EEF1E1: variants seen among roughly 807,000 people sequenced by gnomAD.
EEF1E1 encodes the protein eukaryotic translation elongation factor 1 epsilon-1.
In EEF1E1, 19 loss-of-function variants were observed where a neutral mutation model predicts 19.9. That is an observed-to-expected ratio of 0.95 (90% CI 0.66 to 1.40). The LOEUF (loss-of-function observed/expected upper bound fraction) is 1.40. Ranked by LOEUF, EEF1E1 falls within the 40% of genes most tolerant of loss-of-function variation. The probability of loss-of-function intolerance (pLI) is 0.00; values close to 1 mark genes in which losing one functional copy is unlikely to be tolerated. For missense variants in EEF1E1, 198 were observed against 202.2 expected (o/e 0.98, Z 0.13); for synonymous variants, 81 against 80.0 (o/e 1.01, Z -0.07).
intron 2 of EEF1E1, among the ~76,000 whole-genome samples, chr6:8,093,784 A>AT (rs1391962386): frequency 2.0e-5 from 3 of 151,944 alleles, no homozygotes; most frequent in Non-Finnish European, 2.9e-5. Flanking sequence ...TAATAATTGT[A>AT]TTAAAAAAAA....
chr6:8,077,788 C>A (rs1757633897), downstream of EEF1E1, among the ~76,000 whole-genome samples: 1 of 152,130 alleles, frequency 6.6e-6, no homozygotes, highest in Admixed American at 6.5e-5. Flanking sequence ...TGGAGTAGCA[C>A]TTTTATTTAT....
intron 1 of EEF1E1, chr6:8,101,812 T>A (rs1262952271): frequency 7.8e-7 from 1 of 1,289,290 alleles, no homozygotes; most frequent in East Asian, 5.5e-5. Flanking sequence ...CTTAAACTGA[T>A]AATCCAAGGC....
intron 1 of EEF1E1, chr6:8,101,900 G>A (rs542639888): frequency 8.1e-7 from 1 of 1,241,680 alleles, no homozygotes. Flanking sequence ...ATGGTGCAAC[G>A]TGGCACTCTT....
intron 2 of EEF1E1, among the ~76,000 whole-genome samples, chr6:8,091,700 A>G (rs1261364494): frequency 6.6e-6 from 1 of 152,248 alleles, no homozygotes; most frequent in East Asian, 1.9e-4. Flanking sequence ...AATTAAGTGA[A>G]ACAACAGATT....
At chr6:8,078,025 C>T (rs1757638930), downstream of EEF1E1, among the ~76,000 whole-genome samples, 1 of 152,214 alleles carries the variant, frequency 6.6e-6, no homozygotes, top group Non-Finnish European at 1.5e-5. Context: ...GATCCATTTA[C>T]CTCCACATCT....
At chr6:8,099,792 A>ACACACACACAC (rs1554099745) in intron 1 of EEF1E1, among the ~76,000 whole-genome samples, 1 of 78,438 alleles carries the variant, frequency 1.3e-5, no homozygotes, top group Non-Finnish European at 2.7e-5. Context: ...ACACACACAC[A>ACACACACACAC]AAAAAAAAAC....
rs9405371 is a variant in EEF1E1, at chr6:8,091,604, G to A, written c.289-1323C>T. Among the ~76,000 whole-genome samples, 836 of 152,208 alleles carry A rather than the reference G, an allele frequency of 5.5e-3. 29 individuals are homozygous for A. In the East Asian group the frequency reaches 0.07, roughly 13 times the overall value. On this transcript the variant is annotated intron_variant, in intron 2 of 3. Transcript: ENST00000379715. ...TTTTCTGGCAGAACAGCATGAATACGTCAATTTCCTGAGATGGAAAATGTT... is the reference window on the plus strand; with the variant it reads ...TTTTCTGGCAGAACAGCATGAATACATCAATTTCCTGAGATGGAAAATGTT...
chr6:8,077,974 G>A (rs575383804), downstream of EEF1E1, among the ~76,000 whole-genome samples: 2 of 152,196 alleles, frequency 1.3e-5, no homozygotes, highest in Admixed American at 1.3e-4. Flanking sequence ...ACGGGGCTTT[G>A]TCATGTTTCC....
intron 2 of EEF1E1, among the ~76,000 whole-genome samples, chr6:8,092,725 T>C (rs1282173555): frequency 1.3e-5 from 2 of 152,198 alleles, no homozygotes; most frequent in African/African-American, 4.8e-5. Context: ...AGAAATAAAA[T>C]ATCTTCATTA....
downstream of EEF1E1, chr6:8,078,778 A>C (rs766872862): frequency 6.3e-6 from 8 of 1,277,502 alleles, 1 homozygote; most frequent in South Asian, 1.0e-4. Context: ...ACTGATTGCC[A>C]AGAGCTACAT....
chr6:8,079,905 A>T lies in EEF1E1; in HGVS notation c.510T>A (p.Tyr170Ter). Residue 170 changes from tyrosine (Y) to a stop codon, truncating the protein, a stop_gained, in exon 4 of 4, where the codon TAT becomes TAA. Transcript: ENST00000379715. LOFTEE classifies it high-confidence loss of function. ...TGGACAGCTTCTAGTGGGAATTAGT[A>T]TATAGTCTGTTCTTGATGAAGACAA... ...SSVVFIKNRL[Y>*]TNSH The T allele has an allele frequency of 6.2e-7, 1 of 1,612,360 alleles. No homozygotes were observed. The highest frequency in any genetic ancestry group is 8.5e-7 in the Non-Finnish European group (1 of 1,179,832).
downstream of EEF1E1, chr6:8,078,662 T>C: frequency 7.8e-7 from 1 of 1,278,816 alleles, no homozygotes; most frequent in Non-Finnish European, 1.0e-6. Context: ...TGAAGTCTCC[T>C]GACTCAGTCA....
intron 3 of EEF1E1, among the ~76,000 whole-genome samples, chr6:8,083,050 C>T (rs1477062281): frequency 1.3e-5 from 2 of 152,198 alleles, no homozygotes; most frequent in Non-Finnish European, 2.9e-5. Flanking sequence ...TGTTGATCTG[C>T]ATGCCAGTGT....
chr6:8,098,477 C>T (rs1758237047), intron 1 of EEF1E1, among the ~76,000 whole-genome samples: 1 of 152,148 alleles, frequency 6.6e-6, no homozygotes, highest in Non-Finnish European at 1.5e-5. Flanking sequence ...CATACATCTA[C>T]ATCAACACGA....
rs531486179 is a variant in EEF1E1 at position 8,101,641 on chromosome 6, C to CA, written c.87+793dup. The CA allele has an allele frequency of 4.9e-3, 3,881 of 788,994 alleles. 11 individuals carry two copies. Among genetic ancestry groups the CA allele is most frequent in the Non-Finnish European group, 5.8e-3 (3,477 of 595,804 alleles). 48.9% of individuals were successfully genotyped at this position (788,994 alleles called of 1,614,324 possible). ...TCATTTGGAAAAAATCTCAAAGGAGCAAAAAAAACATATATCCAAAGTAGT... is the reference window on the plus strand; with the variant it reads ...TCATTTGGAAAAAATCTCAAAGGAGCAAAAAAAAACATATATCCAAAGTAGT... On this transcript the variant is annotated intron_variant, in intron 1 of 3. Transcript: ENST00000379715.
At chr6:8,101,881 C>T (rs902629365) in intron 1 of EEF1E1, 66 of 1,268,576 alleles carry the variant, frequency 5.2e-5, no homozygotes, top group Non-Finnish European at 6.8e-5. Context: ...GGTGTTCTCT[C>T]TGCCATTTAT....
intron 2 of EEF1E1, among the ~76,000 whole-genome samples, chr6:8,092,520 A>C (rs771457355): frequency 6.6e-6 from 1 of 152,206 alleles, no homozygotes; most frequent in Non-Finnish European, 1.5e-5. Context: ...GAGCCCCTAA[A>C]GGTGGTACAG....
chr6:8,089,915 T>C, intron 3 of EEF1E1: 1 of 371,496 alleles, frequency 2.7e-6, no homozygotes, highest in East Asian at 3.8e-5. Context: ...CTGAAAGGAA[T>C]TCCTTTCATT....
chr6:8,102,188 G>A (rs994347369), intron 1 of EEF1E1: 1 of 1,159,296 alleles, frequency 8.6e-7, no homozygotes. Flanking sequence ...ATGGGATGAT[G>A]ACAATTTCCC....
Sources: gnomAD v4.1 joint callset for allele counts (sites outside exome capture counted in the v4.1 genomes callset) on GRCh38, gnomAD v4.1.1 for gene constraint, MANE v1.5 for transcripts, NCBI Gene and HGNC (gene_info 2026-07-23, HGNC 2026-07-21) for gene names.